The following RAB8B variants were observed in gnomAD, a reference collection of about 807,000 sequenced individuals.
The protein encoded by RAB8B is RAB8B, member RAS oncogene family, also known as ras-related protein Rab-8B.
Under a neutral mutation model 32.0 loss-of-function variants are expected in RAB8B, and 11 were observed. The ratio of observed to expected loss-of-function variants is 0.34; its 90% CI spans 0.22 to 0.57. The LOEUF is 0.57. Ranked by LOEUF, RAB8B falls within the 20% of genes least tolerant of loss-of-function variation. The probability of loss-of-function intolerance (pLI) is 0.86; values close to 1 mark genes in which losing one functional copy is unlikely to be tolerated. For synonymous variants in RAB8B, 103 were observed against 89.6 expected (o/e 1.15, Z -0.85); for missense variants, 190 against 258.5 (o/e 0.73, Z 1.82).
At chr15:63,207,542 C>T (rs1357306731) in intron 1 of RAB8B, among the ~76,000 whole-genome samples, 1 of 151,916 alleles carries the variant, frequency 6.6e-6, no homozygotes, top group East Asian at 1.9e-4. Flanking sequence ...TTGACTCTTT[C>T]CTTTTCCTTA....
At chr15:63,221,264 T>G (rs962151919) in intron 1 of RAB8B, among the ~76,000 whole-genome samples, 3 of 152,178 alleles carry the variant, frequency 2.0e-5, no homozygotes, top group Admixed American at 6.5e-5. Flanking sequence ...TATTTTAAGA[T>G]GGGTAATTGT....
At position 63,220,590 on chromosome 15, in the gene RAB8B, T is replaced by G. The variant is rs554185163; in HGVS notation, c.125-24166T>G. Among the ~76,000 whole-genome samples, 4 of 152,326 alleles carry G rather than the reference T, an allele frequency of 2.6e-5. No homozygotes were observed. In the South Asian group the frequency reaches 6.2e-4, roughly 24 times the overall value. On this transcript the variant is annotated intron_variant, in intron 1 of 7. Coordinates refer to ENST00000321437, the MANE Select transcript of RAB8B (RefSeq NM_016530.3). ...TTGAAACTTTCAGTGGTTTCATATT[T>G]TAGTGTTTTTTGTGTTTCACTTTTT...
chr15:63,233,260 C>T (rs1479670257), intron 1 of RAB8B, among the ~76,000 whole-genome samples: 1 of 151,248 alleles, frequency 6.6e-6, no homozygotes, highest in African/African-American at 2.4e-5. Context: ...GGTGGGGTCT[C>T]ATCATGTTGC....
intron 1 of RAB8B, among the ~76,000 whole-genome samples, chr15:63,220,017 G>A (rs759573408): frequency 6.6e-5 from 10 of 152,226 alleles, no homozygotes; most frequent in Non-Finnish European, 1.2e-4. Flanking sequence ...TTGTCCAAGT[G>A]TTAAGAAAAC....
rs79723158 is a variant in RAB8B at position 63,220,479 on chromosome 15, G to T, written c.125-24277G>T. Among the ~76,000 whole-genome samples, 208 of 152,080 alleles carry T rather than the reference G, an allele frequency of 1.4e-3. 1 individual carries two copies. The East Asian group carries it at 0.034, about 25-fold the overall frequency. On this transcript the variant is annotated intron_variant, in intron 1 of 7. Transcript: ENST00000321437. ...TTTTTTTTAAATGGAGGGAAAGACA[G>T]TAGGACAAGAACATGAGAATAGAAG... is the stretch of plus-strand genomic sequence containing the variant.
At chr15:63,249,531 C>T (rs2038097618) in intron 2 of RAB8B, 114 bp from the exon 3 acceptor site, 7 of 939,152 alleles carry the variant, frequency 7.5e-6, no homozygotes, top group South Asian at 1.6e-5. Flanking sequence ...TTCTCCTTTC[C>T]TCTGTGACCA....
intron 1 of RAB8B, among the ~76,000 whole-genome samples, chr15:63,209,709 T>C (rs908545515): frequency 4.6e-5 from 7 of 152,216 alleles, no homozygotes; most frequent in African/African-American, 1.7e-4. Context: ...ATTAGAATTA[T>C]AGTTGCTTAC....
At chr15:63,223,312 GT>G (rs1555422469) in intron 1 of RAB8B, among the ~76,000 whole-genome samples, 1 of 151,684 alleles carries the variant, frequency 6.6e-6, no homozygotes, top group Non-Finnish European at 1.5e-5. Context: ...GGGTTTCACT[GT>G]ATTGGCCAGG....
intron 6 of RAB8B, 57 bp from the exon 7 acceptor site, chr15:63,262,635 A>G (rs886335518): frequency 4.4e-5 from 22 of 500,820 alleles, no homozygotes; most frequent in Non-Finnish European, 6.7e-5. Flanking sequence ...GTATATATAT[A>G]TATATACATA....
intron 6 of RAB8B, among the ~76,000 whole-genome samples, chr15:63,260,180 G>C (rs967280488): frequency 1.3e-5 from 2 of 152,152 alleles, no homozygotes; most frequent in African/African-American, 2.4e-5. Flanking sequence ...CTAGCATCTA[G>C]CCTCCACCTG....
intron 1 of RAB8B, among the ~76,000 whole-genome samples, chr15:63,231,460 A>G (rs2037935676): frequency 6.7e-6 from 1 of 150,256 alleles, no homozygotes. Flanking sequence ...CCATAGCAAT[A>G]GCGCCTTAGT....
intron 2 of RAB8B, among the ~76,000 whole-genome samples, chr15:63,246,936 A>G (rs1458133136): frequency 1.3e-5 from 2 of 152,228 alleles, no homozygotes; most frequent in Admixed American, 1.3e-4. Flanking sequence ...TGTGCCAAGA[A>G]TCAGGAGCAG....
intron 1 of RAB8B, among the ~76,000 whole-genome samples, chr15:63,242,698 C>T (rs1461812565): frequency 6.6e-6 from 1 of 151,970 alleles, no homozygotes; most frequent in Admixed American, 6.5e-5. Flanking sequence ...CAAAACAAAA[C>T]TGGAGTTAAT....
intron 3 of RAB8B, among the ~76,000 whole-genome samples, chr15:63,255,036 AT>A (rs1013066922): frequency 3.3e-5 from 5 of 152,224 alleles, no homozygotes; most frequent in African/African-American, 1.2e-4. Context: ...GTGACAACCT[AT>A]TTTTTGATCA....
At chr15:63,262,621 A>G (rs1278712614) in intron 6 of RAB8B, 71 bp from the exon 7 acceptor site, 2 of 426,156 alleles carry the variant, frequency 4.7e-6, no homozygotes, top group Non-Finnish European at 7.1e-6. Context: ...GAATATATAT[A>G]TGTGTATATA....
At chr15:63,226,593 A>G (rs1014044020) in intron 1 of RAB8B, among the ~76,000 whole-genome samples, 1 of 152,178 alleles carries the variant, frequency 6.6e-6, no homozygotes, top group African/African-American at 2.4e-5. Flanking sequence ...TCTGTTCCTA[A>G]AATGGCCAGC....
rs2038092394 is a variant in RAB8B, at chr15:63,248,880, G to A, written c.186-765G>A. Among the ~76,000 whole-genome samples the A allele has an allele frequency of 1.3e-5, 2 of 152,280 alleles. No individual in the cohort carries two copies. Among genetic ancestry groups the A allele is most frequent in the Middle Eastern group, 3.4e-3 (1 of 294 alleles). On this transcript the variant is annotated intron_variant, in intron 2 of 7. Coordinates refer to ENST00000321437, the MANE Select transcript of RAB8B (RefSeq NM_016530.3). The surrounding 1 kb of genome is among the most constrained non-coding windows in gnomAD (Gnocchi z 4.4). ...GGGAATGAATTAGTTCTGGCTGGAAGTGGGAAATTTGAGAATATTGATTTT... is the reference window on the plus strand; with the variant it reads ...GGGAATGAATTAGTTCTGGCTGGAAATGGGAAATTTGAGAATATTGATTTT...
chr15:63,255,018 G>A (rs12439988), intron 3 of RAB8B, among the ~76,000 whole-genome samples: 37,275 of 152,162 alleles, frequency 0.24, 4,898 homozygotes, highest in Admixed American at 0.33. Context: ...GATGTACTTA[G>A]ATAAATAGTG....
At chr15:63,199,100 GA>G (rs1160441679) in intron 1 of RAB8B, among the ~76,000 whole-genome samples, 1 of 152,134 alleles carries the variant, frequency 6.6e-6, no homozygotes, top group African/African-American at 2.4e-5. Context: ...TCCCCTTTTG[GA>G]ATGACTCCAA....
Sources: allele counts gnomAD v4.1 joint callset (sites outside exome capture counted in the v4.1 genomes callset), GRCh38; gene constraint gnomAD v4.1.1; non-coding constraint Gnocchi (gnomAD v3.1); transcripts MANE v1.5; gene names NCBI Gene and HGNC (gene_info 2026-07-23, HGNC 2026-07-21).